The following PLCL2 variants were observed in gnomAD, a reference collection of about 807,000 sequenced individuals.
PLCL2 encodes the protein phospholipase C like 2.
PLCL2 carries 4 observed loss-of-function variants against 79.6 expected under a neutral mutation model. The ratio of observed to expected loss-of-function variants is 0.05; its 90% CI spans 0.02 to 0.11. The LOEUF is 0.11. Among genes scored for constraint, PLCL2 ranks in the 10% least tolerant of loss-of-function variants. The pLI is 1.00. For synonymous variants in PLCL2, 484 were observed against 457.7 expected, an observed-to-expected ratio of 1.06 and a Z score of -0.73; for missense variants, 895 against 1,291.0, an observed-to-expected ratio of 0.69 and a Z score of 4.70.
intron 5 of PLCL2, among the ~76,000 whole-genome samples, chr3:17,079,159 G>A (rs537751682): frequency 9.9e-5 from 15 of 152,166 alleles, no homozygotes; most frequent in African/African-American, 3.1e-4. Flanking sequence ...GGGCTCTCAC[G>A]CCCATGGCCC....
At chr3:16,888,547 CGTTAT>C (rs1175895189) in intron 1 of PLCL2, among the ~76,000 whole-genome samples, 1 of 152,132 alleles carries the variant, frequency 6.6e-6, no homozygotes, top group Non-Finnish European at 1.5e-5. Context: ...GAGAAGAAGC[CGTTAT>C]GTTTGTCATC....
chr3:16,906,747 C>A (rs990778565), intron 1 of PLCL2, among the ~76,000 whole-genome samples: 7 of 152,132 alleles, frequency 4.6e-5, no homozygotes, highest in African/African-American at 1.7e-4. Context: ...TTTCCTGATT[C>A]TGAGAAGTTT....
At chr3:16,919,990 T>A (rs1172116410) in intron 1 of PLCL2, among the ~76,000 whole-genome samples, 1 of 152,202 alleles carries the variant, frequency 6.6e-6, no homozygotes, top group Non-Finnish European at 1.5e-5. Context: ...TAAAACTTAA[T>A]CACCAGAGTA....
At chr3:17,029,103 A>C (rs1216747487) in intron 3 of PLCL2, among the ~76,000 whole-genome samples, 1 of 152,076 alleles carries the variant, frequency 6.6e-6, no homozygotes, top group Non-Finnish European at 1.5e-5. Context: ...GTTCTAAGGC[A>C]GTGAGGGCTG....
chr3:16,987,713 A>C (rs1212923105), intron 1 of PLCL2, among the ~76,000 whole-genome samples: 1 of 152,162 alleles, frequency 6.6e-6, no homozygotes, highest in East Asian at 1.9e-4. Flanking sequence ...ACAAGCCTAA[A>C]AGTATATTTT....
chr3:17,033,809 AG>A (rs1364145292), intron 3 of PLCL2, among the ~76,000 whole-genome samples: 1 of 152,156 alleles, frequency 6.6e-6, no homozygotes, highest in African/African-American at 2.4e-5. Flanking sequence ...TGTTTATTGT[AG>A]TATTTTTTCA....
At chr3:16,939,245 A>C (rs1485267549) in intron 1 of PLCL2, among the ~76,000 whole-genome samples, 1 of 152,232 alleles carries the variant, frequency 6.6e-6, no homozygotes, top group Non-Finnish European at 1.5e-5. Context: ...ACTAGTGTTT[A>C]GTCTTCTAGA....
chr3:16,946,016 A>G (rs1191547407), intron 1 of PLCL2, among the ~76,000 whole-genome samples: 1 of 152,246 alleles, frequency 6.6e-6, no homozygotes, highest in Non-Finnish European at 1.5e-5. Flanking sequence ...GTTACTAAAA[A>G]GAACAAGAAC....
intron 3 of PLCL2, chr3:17,035,802 C>T (rs760154420): frequency 3.9e-6 from 2 of 512,148 alleles, no homozygotes; most frequent in South Asian, 2.8e-5. Flanking sequence ...GAAAGCTTAA[C>T]AATATTTTAC....
rs960832363 is a variant in PLCL2, at chr3:17,076,742, A to G, written c.3204+8677A>G. ...GGTTTCAAACTCCTGGCCTCAAACA[A>G]TCCTCCCACTTCAGCCTCCCAAGGT... On this transcript the variant is annotated intron_variant, in intron 5 of 5. Coordinates refer to ENST00000615277, the MANE Select transcript of PLCL2 (RefSeq NM_001144382.2). Among the ~76,000 whole-genome samples, 8 of 151,966 alleles carry G rather than the reference A, an allele frequency of 5.3e-5. No individual in the cohort carries two copies. The South Asian group carries it at 6.2e-4, about 12-fold the overall frequency.
At chr3:16,922,996 A>G (rs1167111146) in intron 1 of PLCL2, among the ~76,000 whole-genome samples, 1 of 152,216 alleles carries the variant, frequency 6.6e-6, no homozygotes. Context: ...TATAATACAT[A>G]TTTAAAATAT....
In PLCL2 at chr3:16,896,413, T is replaced by G. The variant is rs574342544; in HGVS notation, c.327+11047T>G. Among the ~76,000 whole-genome samples the G allele has an allele frequency of 2.6e-4, 39 of 152,302 alleles. No individual in the cohort carries two copies. The South Asian group carries it at 8.1e-3, about 32-fold the overall frequency. ...TGGGCCTGGGTGGAAAGTTGACACA[T>G]TAGTGAAGAGTGTGTTGGTCACTGC... On this transcript the variant is annotated intron_variant, in intron 1 of 5. Transcript: ENST00000615277.
chr3:17,066,850 A>G (rs2124942536), intron 4 of PLCL2, among the ~76,000 whole-genome samples: 1 of 152,334 alleles, frequency 6.6e-6, no homozygotes, highest in Admixed American at 6.5e-5. Context: ...TAATATGTAC[A>G]CATTTGATTA....
chr3:17,060,945 G>A (rs1279710566), intron 4 of PLCL2, among the ~76,000 whole-genome samples: 1 of 152,100 alleles, frequency 6.6e-6, no homozygotes, highest in Non-Finnish European at 1.5e-5. Context: ...TATACTGGTT[G>A]TGTTTGTGAG....
chr3:16,960,140 C>T (rs1357841933), intron 1 of PLCL2, among the ~76,000 whole-genome samples: 1 of 152,140 alleles, frequency 6.6e-6, no homozygotes, highest in Non-Finnish European at 1.5e-5. Flanking sequence ...AAAACTAGTT[C>T]ATCAAAATTC....
At chr3:16,988,734 G>A (rs1321406727) in intron 1 of PLCL2, among the ~76,000 whole-genome samples, 17 of 152,046 alleles carry the variant, frequency 1.1e-4, no homozygotes, top group Admixed American at 1.1e-3. Context: ...CAACTAGGTA[G>A]CTGAAAGTGA....
intron 3 of PLCL2, among the ~76,000 whole-genome samples, chr3:17,033,708 T>C (rs887727231): frequency 5.9e-5 from 9 of 152,212 alleles, no homozygotes; most frequent in Non-Finnish European, 1.0e-4. Flanking sequence ...ATCACCCTCC[T>C]TCCACCACTT....
intron 2 of PLCL2, among the ~76,000 whole-genome samples, chr3:17,012,594 A>G (rs1220347571): frequency 6.6e-6 from 1 of 152,236 alleles, no homozygotes; most frequent in East Asian, 1.9e-4. Context: ...TGCTGAGGAG[A>G]TGGGAAACCT....
intron 1 of PLCL2, among the ~76,000 whole-genome samples, chr3:16,918,323 A>G (rs545722128): frequency 1.3e-5 from 2 of 152,324 alleles, no homozygotes; most frequent in Admixed American, 1.3e-4. Context: ...CTGGTTATTG[A>G]AAAATTATAT....
Sources: allele counts gnomAD v4.1 joint callset (sites outside exome capture counted in the v4.1 genomes callset), GRCh38; gene constraint gnomAD v4.1.1; transcripts MANE v1.5; gene names NCBI Gene and HGNC (gene_info 2026-07-23, HGNC 2026-07-21).